Variants in DPP6 observed in about 807,000 individuals in gnomAD.
The protein encoded by DPP6 is A-type potassium channel modulatory protein DPP6.
DPP6 carries 69 observed loss-of-function variants against 122.6 expected under a neutral mutation model. The ratio of observed to expected loss-of-function variants is 0.56; its 90% CI spans 0.46 to 0.69. The LOEUF (loss-of-function observed/expected upper bound fraction) is 0.69, where lower values mean the gene tolerates loss of function less well. DPP6 is among the 30% of genes least tolerant of loss of function. The pLI, the probability that DPP6 is intolerant of heterozygous loss-of-function variation, is 0.00. For missense variants in DPP6, 928 were observed against 1,116.9 expected, an observed-to-expected ratio of 0.83 and a Z score of 2.41; for synonymous variants, 418 against 433.1, an observed-to-expected ratio of 0.97 and a Z score of 0.43.
At chr7:153,829,414 C>T in the DPP6 span, among the ~76,000 whole-genome samples, 2 of 152,036 alleles carry the variant, frequency 1.3e-5, no homozygotes, top group Admixed American at 1.3e-4. Context: ...CAGGGTTTCA[C>T]CATGTTGGTC....
intron 1 of DPP6, among the ~76,000 whole-genome samples, chr7:154,240,116 TC>T (rs141231139): frequency 0.047 from 7,189 of 151,380 alleles, 563 homozygotes; most frequent in African/African-American, 0.16. Flanking sequence ...GAACTAATTG[TC>T]TATGAATTTT....
intron 1 of DPP6, among the ~76,000 whole-genome samples, chr7:154,104,335 T>C: frequency 6.6e-6 from 1 of 152,254 alleles, no homozygotes; most frequent in East Asian, 1.9e-4. Flanking sequence ...CTTAGTCATA[T>C]TTTATGAAGA....
chr7:154,516,378 G>A (rs770318794), intron 3 of DPP6, among the ~76,000 whole-genome samples: 7 of 152,182 alleles, frequency 4.6e-5, no homozygotes, highest in Non-Finnish European at 8.8e-5. Context: ...ACGCAGGAAG[G>A]CGCTGAGGAA....
Position 154,041,999 on chromosome 7 carries a change from C to T in DPP6, c.51+154265C>T, listed in dbSNP as rs550321917. Among the ~76,000 whole-genome samples the T allele has an allele frequency of 4.6e-5, 7 of 152,238 alleles. 1 individual carries two copies. The highest frequency in any genetic ancestry group is 3.9e-4 in the East Asian group (2 of 5,160). ...GTCTCGATTTCCCGACCTCGTGATC[C>T]GCCCACCTCGGCCTCCCAAAGTGCT... is the stretch of plus-strand genomic sequence containing the variant. On this transcript the variant is annotated intron_variant, in intron 1 of 25. Transcript: ENST00000404039.
chr7:154,636,791 A>T (rs989975845), intron 5 of DPP6, among the ~76,000 whole-genome samples: 5 of 152,210 alleles, frequency 3.3e-5, no homozygotes, highest in African/African-American at 1.2e-4. Context: ...GCTCATTTCC[A>T]TCATTGGTCC....
At chr7:154,250,064 T>C (rs1283959340) in intron 1 of DPP6, among the ~76,000 whole-genome samples, 1 of 152,106 alleles carries the variant, frequency 6.6e-6, no homozygotes, top group Non-Finnish European at 1.5e-5. Flanking sequence ...CCTGTTCTGT[T>C]CCGTTCTAAT....
intron 1 of DPP6, among the ~76,000 whole-genome samples, chr7:154,061,773 G>C (rs72505526): frequency 0.13 from 16,550 of 128,804 alleles, 752 homozygotes; most frequent in South Asian, 0.21. Context: ...CACCCCCATC[G>C]CAGGGAGGGA....
intron 1 of DPP6, among the ~76,000 whole-genome samples, chr7:154,147,446 T>TTTCCTTCCTTCCTTCCTTCCTTCC (rs200682495): frequency 4.1e-4 from 59 of 143,076 alleles, no homozygotes; most frequent in African/African-American, 1.5e-3. Context: ...ACTTTATTCA[T>TTTCCTTCCTTCCTTCCTTCCTTCC]TTCCTTCCTT....
intron 7 of DPP6, among the ~76,000 whole-genome samples, chr7:154,675,016 C>T (rs1173028032): frequency 6.6e-6 from 1 of 152,098 alleles, no homozygotes; most frequent in Non-Finnish European, 1.5e-5. Flanking sequence ...GAAGAATTGC[C>T]TTGATTATAT....
chr7:154,356,716 TCCGGAA>T (rs1811298741), intron 1 of DPP6, among the ~76,000 whole-genome samples: 1 of 152,180 alleles, frequency 6.6e-6, no homozygotes, highest in African/African-American at 2.4e-5. Context: ...AAATAATAAT[TCCGGAA>T]GTAGATATAC....
At chr7:154,667,258 G>A (rs1838225538) in intron 6 of DPP6, among the ~76,000 whole-genome samples, 1 of 151,744 alleles carries the variant, frequency 6.6e-6, no homozygotes, top group Admixed American at 6.6e-5. Flanking sequence ...CTCCTGGTTT[G>A]TAAGATGTCT....
Position 154,241,704 on chromosome 7 carries a change from T to G in DPP6, c.243+188641T>G, listed in dbSNP as rs1260077861. Among the ~76,000 whole-genome samples the G allele has an allele frequency of 6.6e-6, 1 of 152,204 alleles. No individual in the cohort carries two copies. The highest frequency in any genetic ancestry group is 1.5e-5 in the Non-Finnish European group (1 of 68,034). On this transcript the variant is annotated intron_variant, in intron 1 of 25. Coordinates refer to ENST00000377770, the MANE Select transcript of DPP6 (RefSeq NM_130797.4). This position sits in a 1 kb window ranked among gnomAD's most constrained non-coding sequence, Gnocchi z 9.0. ...CATACAAACCGGCACTTATCACATC[T>G]TGAAATTTCCCGAAGCTAACACGTG... is the stretch of plus-strand genomic sequence containing the variant.
intron 1 of DPP6, among the ~76,000 whole-genome samples, chr7:154,440,414 CG>C (rs1373994010): frequency 6.6e-6 from 1 of 152,152 alleles, no homozygotes; most frequent in African/African-American, 2.4e-5. Context: ...AGGAGCATCT[CG>C]GGGAGTGGGA....
chr7:154,298,056 C>A lies in DPP6; in HGVS notation c.244-148158C>A, dbSNP rs1399773112. 3.3e-5 allele frequency among the ~76,000 whole-genome samples: 5 copies of A among 152,232 alleles called. No individual in the cohort carries two copies. In the East Asian group the frequency reaches 9.7e-4, roughly 29 times the overall value. On this transcript the variant is annotated intron_variant, in intron 1 of 25. Transcript: ENST00000377770. Reference sequence around the variant, plus strand: ...ATGGAGTAGAGCAGGTCCCCCTCTACCATGTGGGTGGGCCTCGTCCGATTA... The same window carrying A: ...ATGGAGTAGAGCAGGTCCCCCTCTAACATGTGGGTGGGCCTCGTCCGATTA...
At chr7:154,098,024 C>T (rs1247833934) in intron 1 of DPP6, among the ~76,000 whole-genome samples, 4 of 152,332 alleles carry the variant, frequency 2.6e-5, no homozygotes, top group African/African-American at 7.2e-5. Flanking sequence ...CAAGACTCCA[C>T]CTCTTGAAGG....
chr7:154,185,897 T>G (rs1018537973), intron 1 of DPP6, among the ~76,000 whole-genome samples: 1 of 152,184 alleles, frequency 6.6e-6, no homozygotes, highest in African/African-American at 2.4e-5. Context: ...CTTTCCAAAT[T>G]AAAGCATGTG....
intron 1 of DPP6, among the ~76,000 whole-genome samples, chr7:154,056,592 C>G (rs1396319112): frequency 6.6e-6 from 1 of 152,094 alleles, no homozygotes; most frequent in Non-Finnish European, 1.5e-5. Flanking sequence ...CACGTGGCTT[C>G]TTAGCAATAC....
At chr7:153,811,712 T>C in the DPP6 span, among the ~76,000 whole-genome samples, 1 of 152,128 alleles carries the variant, frequency 6.6e-6, no homozygotes, top group Non-Finnish European at 1.5e-5. Flanking sequence ...GCTCTTAAAG[T>C]CACAAAACTT....
rs1157892991 is a variant in DPP6, at chr7:153,984,795, AT to A, written c.51+97066del. Among the ~76,000 whole-genome samples, 57 of 152,198 alleles carry A rather than the reference AT, an allele frequency of 3.7e-4. 1 individual carries two copies. Among genetic ancestry groups the A allele is most frequent in the Admixed American group, 3.6e-3 (55 of 15,280 alleles). ...TTTATATGTGGAGTGCTCTGATCTC[AT>A]TTTTGGCTTCTATGACACTTTTCCC... On this transcript the variant is annotated intron_variant, in intron 1 of 25. Coordinates refer to the DPP6 transcript ENST00000404039.
Sources: allele counts gnomAD v4.1 joint callset (sites outside exome capture counted in the v4.1 genomes callset), GRCh38; gene constraint gnomAD v4.1.1; non-coding constraint Gnocchi (gnomAD v3.1); transcripts MANE v1.5; gene names NCBI Gene and HGNC (gene_info 2026-07-23, HGNC 2026-07-21).